SAMD3: variants seen among roughly 807,000 people sequenced by gnomAD.
SAMD3 encodes sterile alpha motif domain-containing protein 3.
Under a neutral mutation model 58.5 loss-of-function variants are expected in SAMD3, and 63 were observed. The ratio of observed to expected loss-of-function variants is 1.08; its 90% CI spans 0.88 to 1.33. The LOEUF is 1.33. SAMD3 is among the 40% of genes most tolerant of loss of function. The pLI is 0.00. For missense variants in SAMD3, 604 were observed against 608.4 expected (o/e 0.99, Z 0.08); for synonymous variants, 220 against 210.3 (o/e 1.05, Z -0.40).
chr6:130,286,769 C>T (rs28614013), intron 2 of SAMD3, among the ~76,000 whole-genome samples: 41,746 of 151,972 alleles, frequency 0.27, 6,245 homozygotes, highest in East Asian at 0.45. Flanking sequence ...TGGAGTGCAG[C>T]GGTAAGATCT....
chr6:130,250,477 A>G (rs956939170), intron 2 of SAMD3, among the ~76,000 whole-genome samples: 3 of 152,148 alleles, frequency 2.0e-5, no homozygotes, highest in Non-Finnish European at 4.4e-5. Flanking sequence ...TTTACAGTAT[A>G]TTGATTTTTA....
At chr6:130,326,954 GTTT>G (rs1297269058) in intron 1 of SAMD3, among the ~76,000 whole-genome samples, 2 of 152,112 alleles carry the variant, frequency 1.3e-5, no homozygotes, top group African/African-American at 2.4e-5. Flanking sequence ...TTTATTTCAG[GTTT>G]TTAATAATTG....
chr6:130,183,336 CA>C (rs55660451), intron 7 of SAMD3: 204,649 of 375,110 alleles, frequency 0.55, 31,184 homozygotes, highest in African/African-American at 0.82. Context: ...GACTCCGTCT[CA>C]AAAAAAAAAA....
chr6:130,287,832 C>T (rs148380010), intron 2 of SAMD3, among the ~76,000 whole-genome samples: 1 of 152,108 alleles, frequency 6.6e-6, no homozygotes, highest in East Asian at 1.9e-4. Context: ...GTAGTCCCAG[C>T]TCCTCGGGAG....
chr6:130,307,431 T>C (rs1290072506), intron 2 of SAMD3, among the ~76,000 whole-genome samples: 1 of 152,242 alleles, frequency 6.6e-6, no homozygotes, highest in Non-Finnish European at 1.5e-5. Flanking sequence ...TTTTCCTTCT[T>C]TTCTTTGTAA....
rs572397654 is a variant in SAMD3, at chr6:130,278,597, G to A, written c.-188+34381C>T. On this transcript the variant is annotated intron_variant, in intron 2 of 13. Coordinates refer to the SAMD3 transcript ENST00000368134. The stretch of plus-strand genomic sequence containing the variant: ...TAGTTGGCTTCAGTCTTTTAGTCCT[G>A]TCAAAATTGAATTGAGATGGCTCAA... Among the ~76,000 whole-genome samples the A allele has an allele frequency of 4.6e-5, 7 of 152,192 alleles. No individual in the cohort carries two copies. The South Asian group carries it at 1.5e-3, about 32-fold the overall frequency.
chr6:130,249,854 C>CA (rs1048675245), intron 2 of SAMD3, among the ~76,000 whole-genome samples: 4 of 151,342 alleles, frequency 2.6e-5, no homozygotes, highest in Admixed American at 1.3e-4. Context: ...CAGGGAAAAA[C>CA]AAAAAAAAGC....
At chr6:130,224,774 A>T (rs1001512097), upstream of SAMD3, among the ~76,000 whole-genome samples, 2 of 151,722 alleles carry the variant, frequency 1.3e-5, no homozygotes, top group African/African-American at 2.4e-5. Context: ...ACGTGCCACC[A>T]CGCCCAGCTA....
intron 1 of SAMD3, among the ~76,000 whole-genome samples, chr6:130,315,138 T>C (rs577414710): frequency 3.3e-5 from 5 of 152,126 alleles, no homozygotes; most frequent in African/African-American, 9.7e-5. Context: ...TTGGCTTATA[T>C]TGGCATGTTG....
chr6:130,340,033 T>C lies in SAMD3; in HGVS notation c.-304+25087A>G, dbSNP rs118119504. On this transcript the variant is annotated intron_variant, in intron 1 of 13. Coordinates refer to the SAMD3 transcript ENST00000368134. ...GGCTCACTCAATGATATGCAGAGGA[T>C]ATAATCTCCACTAATCTTACTGAGG... Among the ~76,000 whole-genome samples, 1,476 of 152,318 alleles carry C rather than the reference T, an allele frequency of 9.7e-3. 21 individuals are homozygous for C. Among genetic ancestry groups the C allele is most frequent in the South Asian group, 0.031 (151 of 4,824 alleles).
At chr6:130,326,819 A>G (rs1776776011) in intron 1 of SAMD3, among the ~76,000 whole-genome samples, 1 of 152,080 alleles carries the variant, frequency 6.6e-6, no homozygotes, top group Non-Finnish European at 1.5e-5. Context: ...GTGAACGTCT[A>G]CTCCACCACT....
intron 5 of SAMD3, among the ~76,000 whole-genome samples, chr6:130,205,981 G>T (rs1331490745): frequency 1.3e-5 from 2 of 152,316 alleles, no homozygotes; most frequent in African/African-American, 2.4e-5. Context: ...ACCAAGAGTG[G>T]CTCCAACACT....
intron 2 of SAMD3, chr6:130,215,757 T>C (rs1008573984): frequency 1.3e-6 from 2 of 1,509,928 alleles, no homozygotes; most frequent in Non-Finnish European, 1.8e-6. Context: ...CTGACAGAGA[T>C]ACTTAGTAAA....
intron 1 of SAMD3, among the ~76,000 whole-genome samples, chr6:130,353,314 G>T (rs1380143523): frequency 6.6e-6 from 1 of 152,158 alleles, no homozygotes; most frequent in Admixed American, 6.5e-5. Flanking sequence ...TTGGCCATCA[G>T]TTGTTTTGTG....
intron 2 of SAMD3, among the ~76,000 whole-genome samples, chr6:130,234,518 C>T (rs1796630024): frequency 6.6e-6 from 1 of 151,990 alleles, no homozygotes; most frequent in East Asian, 1.9e-4. Context: ...ATATGTATAT[C>T]TCTATTTTCA....
chr6:130,321,587 C>T lies in SAMD3; in HGVS notation c.-303-8494G>A, dbSNP rs9483110. On this transcript the variant is annotated intron_variant, in intron 1 of 13. Transcript: ENST00000368134. ...TGTAAAATATCCCCACTGACACATA[C>T]AATTCCCAGTACTCATTGTCCTCTT... is the stretch of plus-strand genomic sequence containing the variant. Among the ~76,000 whole-genome samples the T allele has an allele frequency of 4.4e-3, 665 of 152,284 alleles. 5 individuals are homozygous for T. Among genetic ancestry groups the T allele is most frequent in the African/African-American group, 0.015 (622 of 41,552 alleles).
intron 8 of SAMD3, among the ~76,000 whole-genome samples, chr6:130,157,945 C>CA (rs58335490): frequency 8.9e-5 from 13 of 145,798 alleles, no homozygotes; most frequent in South Asian, 2.2e-4. Context: ...TTATATTTTG[C>CA]AAAAAAAAAA....
At chr6:130,327,850 A>G (rs1385210578) in intron 1 of SAMD3, among the ~76,000 whole-genome samples, 1 of 152,216 alleles carries the variant, frequency 6.6e-6, no homozygotes, top group East Asian at 1.9e-4. Flanking sequence ...GATGAAACCT[A>G]TACGTGAAGA....
At chr6:130,182,257 G>A (rs541401201) in intron 7 of SAMD3, among the ~76,000 whole-genome samples, 6 of 106,030 alleles carry the variant, frequency 5.7e-5, no homozygotes, top group African/African-American at 2.3e-4. Flanking sequence ...TTTTTCCTTC[G>A]CTTTGTTTTG....
Sources: gnomAD v4.1 joint callset for allele counts (sites outside exome capture counted in the v4.1 genomes callset) on GRCh38, gnomAD v4.1.1 for gene constraint, MANE v1.5 for transcripts, NCBI Gene and HGNC (gene_info 2026-07-23, HGNC 2026-07-21) for gene names.